FARP2: variants seen among roughly 807,000 people sequenced by gnomAD.
The protein encoded by FARP2 is FERM, ARHGEF and pleckstrin domain-containing protein 2.
In FARP2, 111 loss-of-function variants were observed where a neutral mutation model predicts 130.5. That is an observed-to-expected ratio of 0.85 (90% CI 0.73 to 1.00). FARP2 has a LOEUF of 1.00. Among genes scored for constraint, FARP2 ranks in the 50% least tolerant of loss-of-function variants. FARP2 has a pLI of 0.00. For missense variants in FARP2, 1,385 were observed against 1,346.3 expected (o/e 1.03, Z -0.45); for synonymous variants, 504 against 516.9 (o/e 0.98, Z 0.34).
At chr2:241,424,078 T>C in intron 8 of FARP2, among the ~76,000 whole-genome samples, 1 of 152,166 alleles carries the variant, frequency 6.6e-6, no homozygotes, top group African/African-American at 2.4e-5. Context: ...TCTGAAAATA[T>C]TCAGGACCTG....
intron 19 of FARP2, among the ~76,000 whole-genome samples, chr2:241,480,884 C>T (rs139713361): frequency 4.4e-4 from 67 of 152,018 alleles, no homozygotes; most frequent in African/African-American, 1.3e-3. Flanking sequence ...CCAGTTTTCC[C>T]GGCAGCATTG....
chr2:241,412,626 A>T (rs1020693989), intron 6 of FARP2, among the ~76,000 whole-genome samples: 21 of 152,256 alleles, frequency 1.4e-4, no homozygotes, highest in African/African-American at 4.3e-4. Flanking sequence ...AAATTTGAGA[A>T]GGTCTGAAGG....
At chr2:241,419,492 C>G (rs1300016792) in intron 8 of FARP2, among the ~76,000 whole-genome samples, 1 of 152,174 alleles carries the variant, frequency 6.6e-6, no homozygotes, top group Non-Finnish European at 1.5e-5. Flanking sequence ...TATTTTTATT[C>G]CCTCAAAACC....
At chr2:241,435,094 GGA>G in intron 11 of FARP2, 64 bp downstream of exon 11, 2 of 933,528 alleles carry the variant, frequency 2.1e-6, no homozygotes, top group South Asian at 3.2e-5. Context: ...ATATATATAT[GGA>G]GAGAGAGCGA....
At chr2:241,466,820 G>T (rs763601793) in intron 17 of FARP2, among the ~76,000 whole-genome samples, 31 of 152,034 alleles carry the variant, frequency 2.0e-4, no homozygotes, top group Non-Finnish European at 4.0e-4. Flanking sequence ...CCCTAAATAT[G>T]TAAATACGGC....
rs532839430 is a variant in FARP2 at position 241,440,211 on chromosome 2, T to C, written c.1159-1093T>C. Among the ~76,000 whole-genome samples, 8 of 152,336 alleles carry C rather than the reference T, an allele frequency of 5.3e-5. No individual in the cohort carries two copies. The East Asian group carries it at 1.4e-3, about 26-fold the overall frequency. ...CATGTGTATATTGCCTGTGTACATA[T>C]TGCACAAAAAGTTATTCAGTTGTGT... On this transcript the variant is annotated intron_variant, in intron 12 of 26. Transcript: ENST00000264042.
Position 241,411,145 on chromosome 2 carries a change from G to T in FARP2, c.508+15G>T. 3.8e-6 allele frequency: 6 copies of T among 1,572,752 alleles called. No individual in the cohort carries two copies. The highest frequency in any genetic ancestry group is 4.4e-6 in the Non-Finnish European group (5 of 1,145,978). On this transcript the variant is annotated intron_variant, in intron 6 of 26. Transcript: ENST00000264042. ...TCTCCTGCAGTGTGAGTATCTCCCCGCCAGCGGGGAGCATTCACTGACCAT... is the reference window on the plus strand; with the variant it reads ...TCTCCTGCAGTGTGAGTATCTCCCCTCCAGCGGGGAGCATTCACTGACCAT...
intron 4 of FARP2, 97 bp from the exon 5 acceptor site, chr2:241,407,440 C>A: frequency 1.1e-6 from 1 of 890,506 alleles, no homozygotes; most frequent in Non-Finnish European, 1.8e-6. Context: ...TGTAACAGTC[C>A]ACTTGGAAGC....
intron 13 of FARP2, among the ~76,000 whole-genome samples, chr2:241,455,707 AAT>A (rs2063813522): frequency 6.6e-6 from 1 of 150,466 alleles, no homozygotes; most frequent in South Asian, 2.1e-4. Context: ...ACAGCAGTTA[AAT>A]TCCTTCTCTA....
intron 13 of FARP2, among the ~76,000 whole-genome samples, chr2:241,453,377 CT>C (rs1318320512): frequency 6.6e-5 from 10 of 151,914 alleles, no homozygotes; most frequent in African/African-American, 2.2e-4. Context: ...AATCCCAGCA[CT>C]TTGGGAGGCC....
intron 13 of FARP2, 163 bp downstream of exon 13, chr2:241,441,719 C>A: frequency 1.0e-5 from 11 of 1,078,466 alleles, no homozygotes; most frequent in Non-Finnish European, 1.5e-5. Context: ...TCATTTCCTT[C>A]CGGTGGGGAG....
At chr2:241,420,100 G>A (rs965680853) in intron 8 of FARP2, among the ~76,000 whole-genome samples, 48 of 152,332 alleles carry the variant, frequency 3.2e-4, no homozygotes, top group African/African-American at 1.0e-3. Flanking sequence ...ACAGTGAGCC[G>A]AGATCGTGCC....
chr2:241,357,932 G>A (rs1436114997), intron 1 of FARP2, among the ~76,000 whole-genome samples: 1 of 152,220 alleles, frequency 6.6e-6, no homozygotes, highest in East Asian at 1.9e-4. Flanking sequence ...CACAGTGGCT[G>A]TAATCCCAGC....
chr2:241,488,470 G>A (rs970769357), intron 21 of FARP2: 5 of 144,532 alleles, frequency 3.5e-5, no homozygotes, highest in African/African-American at 7.7e-5. Flanking sequence ...AGGCTGGAGT[G>A]CCCAGGCACG....
intron 19 of FARP2, 50 bp from the exon 20 acceptor site, chr2:241,483,415 C>T (rs747815420): frequency 1.8e-5 from 27 of 1,512,782 alleles, no homozygotes; most frequent in South Asian, 1.2e-4. Flanking sequence ...CTAGTGCATC[C>T]GCCAGCTGCC....
intron 19 of FARP2, chr2:241,478,815 C>A: frequency 2.5e-6 from 1 of 393,638 alleles, no homozygotes; most frequent in Non-Finnish European, 5.0e-6. Context: ...TCCACCATGT[C>A]CGACAGCTGG....
intron 17 of FARP2, chr2:241,466,410 G>A (rs765699290): frequency 2.0e-6 from 2 of 985,406 alleles, no homozygotes; most frequent in Non-Finnish European, 2.4e-6. Flanking sequence ...GGCCCGCTGT[G>A]GGTGGGCACT....
chr2:241,483,769 G>C lies in FARP2; in HGVS notation c.2331+236G>C, dbSNP rs577935918. 18 of 984,590 alleles carry C rather than the reference G, an allele frequency of 1.8e-5. No individual in the cohort carries two copies. The African/African-American group carries it at 3.0e-4, about 16-fold the overall frequency. 61.0% of individuals were successfully genotyped at this position (984,590 alleles called of 1,614,324 possible). ...AGGGCCAGCCTCCTTCTTCATTCCA[G>C]GTTCTGAGCACCTGACTATGGGACA... On this transcript the variant is annotated intron_variant, in intron 20 of 26. Coordinates refer to ENST00000264042, the MANE Select transcript of FARP2 (RefSeq NM_014808.4).
intron 13 of FARP2, among the ~76,000 whole-genome samples, chr2:241,447,635 C>T (rs577591251): frequency 2.0e-5 from 3 of 152,336 alleles, no homozygotes; most frequent in East Asian, 3.9e-4. Flanking sequence ...AGGACGTGAA[C>T]AAGAGACCCC....
Sources: gnomAD v4.1 joint callset for allele counts (sites outside exome capture counted in the v4.1 genomes callset) on GRCh38, gnomAD v4.1.1 for gene constraint, MANE v1.5 for transcripts, NCBI Gene and HGNC (gene_info 2026-07-23, HGNC 2026-07-21) for gene names.